SYCE1: variants seen among roughly 807,000 people sequenced by gnomAD.
SYCE1 encodes cancer/testis antigen 76.
A neutral mutation model predicts 55.1 loss-of-function variants in SYCE1; 37 were observed. The ratio of observed to expected loss-of-function variants is 0.67; its 90% CI spans 0.52 to 0.88. The LOEUF is 0.88. Ranked by LOEUF, SYCE1 falls within the 40% of genes least tolerant of loss-of-function variation. The probability of loss-of-function intolerance (pLI) is 0.00; values close to 1 mark genes in which losing one functional copy is unlikely to be tolerated. For missense variants in SYCE1, 399 were observed against 416.4 expected, an observed-to-expected ratio of 0.96 and a Z score of 0.36; for synonymous variants, 163 against 159.4, an observed-to-expected ratio of 1.02 and a Z score of -0.17.
chr10:133,562,206 T>G (rs895972638), intron 1 of SYCE1, among the ~76,000 whole-genome samples: 1 of 151,990 alleles, frequency 6.6e-6, no homozygotes, highest in Non-Finnish European at 1.5e-5. Context: ...CTTAAAAATT[T>G]TTTAAAAAGA....
Position 133,558,202 on chromosome 10 carries a change from T to G in SYCE1, c.284A>C (p.Lys95Thr). Residue 95 changes from lysine to threonine, a missense_variant, in exon 5 of 13, where the codon AAA (lysine) becomes ACA (threonine). Lys to Thr is a moderately conservative substitution (Grantham distance 78, BLOSUM62 -1). Coordinates refer to ENST00000343131, the MANE Select transcript of SYCE1 (RefSeq NM_001143764.3). ...GCTCAAGATCTCCTTCAGGTGTACTTTCTCTCCATGCACTAGAAAACAGTG... is the reference window on the plus strand; with the variant it reads ...GCTCAAGATCTCCTTCAGGTGTACTGTCTCTCCATGCACTAGAAAACAGTG... ...QKELDSLHGE[K>T]VHLKEILSKK... 6.2e-7 allele frequency: 1 copy of G among 1,614,168 alleles called. No individual in the cohort carries two copies. Among genetic ancestry groups the G allele is most frequent in the Non-Finnish European group, 8.5e-7 (1 of 1,180,030 alleles).
chr10:133,560,348 A>G, intron 1 of SYCE1, 195 bp from the exon 2 acceptor site: 1 of 493,190 alleles, frequency 2.0e-6, no homozygotes, highest in Non-Finnish European at 3.6e-6. Flanking sequence ...TATACCAGAT[A>G]TCCTCTTTGT....
At position 133,556,058 on chromosome 10, in the gene SYCE1, GAA is replaced by G; in HGVS notation, c.529-13_529-12del. 1 of 1,612,882 alleles carries G rather than the reference GAA, an allele frequency of 6.2e-7. No individual in the cohort carries two copies. The highest frequency in any genetic ancestry group is 1.1e-5 in the South Asian group (1 of 91,054). On this transcript the variant is annotated splice_polypyrimidine_tract_variant and intron_variant, in intron 8 of 12. Transcript: ENST00000343131. ...CAGCCGCTCTGGCATCTGAGGGGCA[GAA>G]AAGAGGCCTGTCCACTCCTCTTGGC...
At chr10:133,554,653 A>T (rs1436976410), downstream of SYCE1, 1 of 721,050 alleles carries the variant, frequency 1.4e-6, no homozygotes, top group Admixed American at 1.8e-5. Flanking sequence ...TTTTTTTTTT[A>T]ATTTCAGGGA....
intron 1 of SYCE1, among the ~76,000 whole-genome samples, chr10:133,563,403 C>T (rs1314422731): frequency 3.3e-5 from 5 of 152,110 alleles, no homozygotes. Context: ...ATGCATAAGG[C>T]CAGGCTCAGT....
upstream of SYCE1, chr10:133,568,021 G>C: frequency 1.6e-6 from 1 of 609,380 alleles, no homozygotes; most frequent in Non-Finnish European, 3.1e-6. Flanking sequence ...GAGGAAGGGG[G>C]AGCCCAGGCC....
At chr10:133,559,862 G>A in intron 2 of SYCE1, 1 of 534,422 alleles carries the variant, frequency 1.9e-6, no homozygotes, top group Non-Finnish European at 3.3e-6. Context: ...GGTGACCAGC[G>A]AGAGGTTTGG....
At chr10:133,554,813 T>G (rs1851610901), downstream of SYCE1, 2 of 1,460,894 alleles carry the variant, frequency 1.4e-6, no homozygotes, top group Non-Finnish European at 9.0e-7. Flanking sequence ...CAGAAGAAGC[T>G]GGCAGGTACC....
intron 1 of SYCE1, among the ~76,000 whole-genome samples, chr10:133,565,000 TC>T (rs34051951): frequency 0.095 from 14,473 of 151,838 alleles, 842 homozygotes; most frequent in East Asian, 0.25. Flanking sequence ...GGAGTCGGCC[TC>T]CCCCGGCTCC....
At chr10:133,562,614 C>T (rs1851842364) in intron 1 of SYCE1, among the ~76,000 whole-genome samples, 1 of 152,064 alleles carries the variant, frequency 6.6e-6, no homozygotes, top group South Asian at 2.1e-4. Context: ...AAACTGTTTG[C>T]TTTTGTATTG....
chr10:133,558,315 C>G, intron 4 of SYCE1, 101 bp from the exon 5 acceptor site: 1 of 1,378,606 alleles, frequency 7.3e-7, no homozygotes, highest in Non-Finnish European at 1.0e-6. Flanking sequence ...CAGCCTTGGC[C>G]CCAACCCAAA....
chr10:133,556,283 T>C, intron 8 of SYCE1: 1 of 590,382 alleles, frequency 1.7e-6, no homozygotes, highest in Admixed American at 3.0e-5. Context: ...CATGGATTGT[T>C]ATTTACAACA....
chr10:133,567,804 C>A, upstream of SYCE1: 1 of 359,068 alleles, frequency 2.8e-6, no homozygotes, highest in Non-Finnish European at 5.6e-6. Flanking sequence ...GAGCCACAGG[C>A]CACTGCCTTT....
At chr10:133,554,605 C>T (rs896835599), downstream of SYCE1, 40 of 700,814 alleles carry the variant, frequency 5.7e-5, no homozygotes, top group Non-Finnish European at 1.0e-4. Flanking sequence ...ATGGAACCGA[C>T]TGATTTTGAA....
In SYCE1 at chr10:133,559,366, C is replaced by A. The variant is rs11101825; in HGVS notation, c.137-6G>T. Reference sequence around the variant, plus strand: ...TCGGGGCTCTAGGCTTCCCACTGCACGGAGGAAAGGAGGTTGAGTTGACAG... The same window carrying A: ...TCGGGGCTCTAGGCTTCCCACTGCAAGGAGGAAAGGAGGTTGAGTTGACAG... On this transcript the variant is annotated splice_polypyrimidine_tract_variant and splice_region_variant and intron_variant, in intron 2 of 12. Transcript: ENST00000343131. 6.2e-7 allele frequency: 1 copy of A among 1,613,798 alleles called. No homozygotes were observed. The highest frequency in any genetic ancestry group is 1.1e-5 in the South Asian group (1 of 91,066).
intron 6 of SYCE1, 181 bp downstream of exon 6, chr10:133,557,683 G>A: frequency 1.6e-6 from 1 of 634,962 alleles, no homozygotes; most frequent in Admixed American, 2.9e-5. Flanking sequence ...TTGCCATTGA[G>A]AGAGTTTCCC....
At chr10:133,563,800 AT>A (rs1851867174) in intron 1 of SYCE1, among the ~76,000 whole-genome samples, 1 of 152,138 alleles carries the variant, frequency 6.6e-6, no homozygotes, top group African/African-American at 2.4e-5. Context: ...CTGCTCATAA[AT>A]TTTTGCATTA....
rs746506704 is a variant in SYCE1 at position 133,556,813 on chromosome 10, G to A, written c.474C>T (p.Phe158=). Residue 158 remains phenylalanine, a synonymous_variant, in exon 8 of 13, where the codon TTC becomes TTT. Coordinates refer to ENST00000343131, the MANE Select transcript of SYCE1 (RefSeq NM_001143764.3). ...CCATCAGATCTTCCAGCTGTTCCTC[G>A]AATGCCAACCTGGGAACCAACCACA... is the stretch of plus-strand genomic sequence containing the variant. ...KNKQRQLRLA[F]EEQLEDLMGQ... is the part of the protein sequence containing the mutation. 15 of 1,585,324 alleles carry A rather than the reference G, an allele frequency of 9.5e-6. No homozygotes were observed. The highest frequency in any genetic ancestry group is 6.7e-5 in the African/African-American group (5 of 74,098).
intron 4 of SYCE1, 70 bp from the exon 5 acceptor site, chr10:133,558,284 G>A (rs899838776): frequency 1.2e-5 from 18 of 1,551,050 alleles, no homozygotes; most frequent in Middle Eastern, 3.3e-4. Flanking sequence ...GCTTGCTCAC[G>A]GTCACATGGG....
Sources: allele counts gnomAD v4.1 joint callset (sites outside exome capture counted in the v4.1 genomes callset), GRCh38; gene constraint gnomAD v4.1.1; transcripts MANE v1.5; gene names NCBI Gene and HGNC (gene_info 2026-07-23, HGNC 2026-07-21).